The following RUFY3 variants were observed in gnomAD, a reference collection of about 807,000 sequenced individuals.
RUFY3 encodes protein RUFY3.
In RUFY3, 34 loss-of-function variants were observed where a neutral mutation model predicts 84.0. The ratio of observed to expected loss-of-function variants is 0.40; its 90% CI spans 0.31 to 0.54. The LOEUF is 0.54. Among genes scored for constraint, RUFY3 ranks in the 20% least tolerant of loss-of-function variants. The probability of loss-of-function intolerance (pLI) is 0.39; values close to 1 mark genes in which losing one functional copy is unlikely to be tolerated. For missense variants in RUFY3, 507 were observed against 736.8 expected (o/e 0.69, Z 3.61); for synonymous variants, 242 against 252.9 (o/e 0.96, Z 0.41).
At chr4:70,782,018 TCTC>T (rs895396364) in intron 8 of RUFY3, among the ~76,000 whole-genome samples, 8 of 152,098 alleles carry the variant, frequency 5.3e-5, no homozygotes, top group African/African-American at 1.9e-4. Flanking sequence ...AAATGAAAAA[TCTC>T]CTCAATGCTT....
At chr4:70,765,646 C>T (rs887564623) in intron 4 of RUFY3, among the ~76,000 whole-genome samples, 2 of 152,128 alleles carry the variant, frequency 1.3e-5, no homozygotes, top group African/African-American at 4.8e-5. Context: ...ACTCAGTTTC[C>T]TTCAGAGGCT....
intron 7 of RUFY3, among the ~76,000 whole-genome samples, chr4:70,775,905 C>G (rs1187173360): frequency 6.9e-6 from 1 of 144,532 alleles, no homozygotes; most frequent in African/African-American, 2.7e-5. Flanking sequence ...CTTGCCATTA[C>G]ACCCCACCCT....
At chr4:70,711,529 C>G (rs1262824255) in intron 1 of RUFY3, among the ~76,000 whole-genome samples, 1 of 152,174 alleles carries the variant, frequency 6.6e-6, no homozygotes, top group African/African-American at 2.4e-5. Flanking sequence ...TTCTGTGATT[C>G]ATAAATCTGT....
Position 70,793,823 on chromosome 4 carries a change from T to C in RUFY3, c.1376T>C (p.Leu459Ser). The change falls in exon 13 of 18, where the codon TTG becomes TCG. Residue 459 changes from leucine to serine, a missense_variant. By Grantham distance (145) the Leu-to-Ser change is moderately radical. Transcript: ENST00000381006. ...GAGCGAAGCCGCCAATCTGCTGAGT[T>C]GGACAACCGGCTCTTCAAACAGGAC... ...QAERSRQSAE[L>S]DNRLFKQDFG... 3.1e-6 allele frequency: 5 copies of C among 1,614,150 alleles called. No homozygotes were observed. Among genetic ancestry groups the C allele is most frequent in the Non-Finnish European group, 4.2e-6 (5 of 1,180,026 alleles).
At chr4:70,747,930 A>G (rs1489941858) in intron 1 of RUFY3, among the ~76,000 whole-genome samples, 1 of 152,178 alleles carries the variant, frequency 6.6e-6, no homozygotes, top group South Asian at 2.1e-4. Context: ...CTTTATCTCC[A>G]TAACAGTTAC....
At chr4:70,767,264 T>TG (rs1384281530) in intron 4 of RUFY3, among the ~76,000 whole-genome samples, 11 of 124,338 alleles carry the variant, frequency 8.8e-5, no homozygotes, top group African/African-American at 3.4e-4. Flanking sequence ...TTTGTATTTT[T>TG]TTTTTTTTTT....
At position 70,722,846 on chromosome 4, in the gene RUFY3, C is replaced by G. The variant is rs145324299; in HGVS notation, c.178+95C>G. The G allele has an allele frequency of 1.1e-3, 1,278 of 1,211,316 alleles. 19 individuals are homozygous for G. The African/African-American group carries it at 0.017, about 16-fold the overall frequency. The allele number at this position is 1,211,316 out of a possible 1,614,324, so 75.0% of individuals were successfully genotyped here. On this transcript the variant is annotated intron_variant, in intron 1 of 17. Transcript: ENST00000381006. Reference sequence around the variant, plus strand: ...CAGGGAGAGGTAGAAAGAACCTACACTCTCAACTGTTAACAGTCCTGAAAA... The same window carrying G: ...CAGGGAGAGGTAGAAAGAACCTACAGTCTCAACTGTTAACAGTCCTGAAAA...
At chr4:70,760,649 A>G (rs191575477) in intron 1 of RUFY3, among the ~76,000 whole-genome samples, 110 of 152,136 alleles carry the variant, frequency 7.2e-4, no homozygotes, top group East Asian at 7.7e-4. Flanking sequence ...AGTTTTCTTC[A>G]TGGCTGTCTT....
chr4:70,782,572 T>G (rs573835916), intron 8 of RUFY3, among the ~76,000 whole-genome samples: 1 of 151,804 alleles, frequency 6.6e-6, no homozygotes, highest in Non-Finnish European at 1.5e-5. Flanking sequence ...CATGAGCCAC[T>G]GCACCTGGCC....
chr4:70,725,086 A>G (rs1472307200), intron 1 of RUFY3, among the ~76,000 whole-genome samples: 2 of 152,188 alleles, frequency 1.3e-5, no homozygotes, highest in African/African-American at 2.4e-5. Flanking sequence ...AAACAGCATA[A>G]TGTTCCCTCT....
At chr4:70,717,765 A>G (rs1003288977), upstream of RUFY3, among the ~76,000 whole-genome samples, 1 of 151,626 alleles carries the variant, frequency 6.6e-6, no homozygotes, top group Non-Finnish European at 1.5e-5. Flanking sequence ...GCTACTCGCT[A>G]ATTGTGTGAT....
At chr4:70,757,064 A>G (rs748368810) in intron 1 of RUFY3, among the ~76,000 whole-genome samples, 5 of 151,948 alleles carry the variant, frequency 3.3e-5, no homozygotes, top group Non-Finnish European at 7.4e-5. Context: ...TGATCTTAGG[A>G]GTTTGGGACC....
At chr4:70,736,438 A>G (rs547803860) in intron 1 of RUFY3, among the ~76,000 whole-genome samples, 2 of 152,316 alleles carry the variant, frequency 1.3e-5, no homozygotes, top group Admixed American at 6.5e-5. Flanking sequence ...AATTTTATAC[A>G]TGTAAGATCA....
chr4:70,773,642 GT>G, intron 6 of RUFY3, 70 bp downstream of exon 6: 1 of 1,011,572 alleles, frequency 9.9e-7, no homozygotes, highest in Non-Finnish European at 1.5e-6. Flanking sequence ...GGTACTTAAA[GT>G]TTACAACAAT....
intron 1 of RUFY3, among the ~76,000 whole-genome samples, chr4:70,752,213 C>T (rs930744041): frequency 3.9e-5 from 6 of 151,990 alleles, no homozygotes; most frequent in Admixed American, 1.3e-4. Flanking sequence ...ATTTCTTTTT[C>T]GAATTGTTTG....
At position 70,783,111 on chromosome 4, in the gene RUFY3, G is replaced by C. The variant is rs1382252300; in HGVS notation, c.915G>C (p.Arg305Ser). The change falls in exon 9 of 18, where the codon AGG becomes AGC. Residue 305 changes from arginine (R) to serine (S), a missense_variant. Physicochemically the swap from Arg to Ser is moderately radical, Grantham distance 110. Around this residue, in one of 4 missense-constraint regions of RUFY3, gnomAD observed 17 missense variants for 54.7 expected, o/e 0.31. Transcript: ENST00000381006. ...CACAGCTTGCAGTTGCAAACAACAG[G>C]ATCATTACCTTACAAGAAGAAATGG... ...LTEELAVANNRIITLQEEMER... is the reference protein window; with the variant it reads ...LTEELAVANNSIITLQEEMER... 1.2e-6 allele frequency: 2 copies of C among 1,609,944 alleles called. No homozygotes were observed. The highest frequency in any genetic ancestry group is 1.7e-6 in the Non-Finnish European group (2 of 1,177,588).
chr4:70,744,959 T>C (rs1260754331), intron 1 of RUFY3, among the ~76,000 whole-genome samples: 1 of 146,040 alleles, frequency 6.8e-6, no homozygotes. Context: ...CCAGCCCTTT[T>C]GAATTTTTTT....
At chr4:70,752,790 T>C (rs1441447484) in intron 1 of RUFY3, among the ~76,000 whole-genome samples, 2 of 152,244 alleles carry the variant, frequency 1.3e-5, no homozygotes, top group African/African-American at 2.4e-5. Flanking sequence ...ATCCTTCTTA[T>C]ATGTTTCTGG....
chr4:70,782,309 A>G (rs1160245921), intron 8 of RUFY3, among the ~76,000 whole-genome samples: 2 of 125,876 alleles, frequency 1.6e-5, no homozygotes, highest in African/African-American at 6.5e-5. Context: ...TTTTTTTTTG[A>G]GACCGAGTTT....
Sources: allele counts gnomAD v4.1 joint callset (sites outside exome capture counted in the v4.1 genomes callset), GRCh38; gene constraint gnomAD v4.1.1; regional missense constraint gnomAD v4.1.1; transcripts MANE v1.5; gene names NCBI Gene and HGNC (gene_info 2026-07-23, HGNC 2026-07-21).